RELL1: variants seen among roughly 807,000 people sequenced by gnomAD.
The protein encoded by RELL1 is RELT like 1.
In RELL1, 10 loss-of-function variants were observed where a neutral mutation model predicts 23.0. The ratio of observed to expected loss-of-function variants is 0.43; its 90% CI spans 0.27 to 0.74. The LOEUF is 0.74. Among genes scored for constraint, RELL1 ranks in the 30% least tolerant of loss-of-function variants. The pLI is 0.19. For missense variants in RELL1, 315 were observed against 364.4 expected (o/e 0.86, Z 1.10); for synonymous variants, 146 against 146.8 (o/e 0.99, Z 0.04).
At chr4:37,593,819 G>A (rs1322222704) in intron 6 of RELL1, among the ~76,000 whole-genome samples, 1 of 152,166 alleles carries the variant, frequency 6.6e-6, no homozygotes, top group Non-Finnish European at 1.5e-5. Flanking sequence ...CACCAAAGGG[G>A]CTTCCACCTT....
intron 1 of RELL1, among the ~76,000 whole-genome samples, chr4:37,656,381 A>ACAGGCACAAAATATAAATTT (rs1296485633): frequency 6.6e-6 from 1 of 152,240 alleles, no homozygotes; most frequent in Non-Finnish European, 1.5e-5. Flanking sequence ...TTGATGATCA[A>ACAGGCACAAAATATAAATTT]CAGGCACAAA....
downstream of RELL1, among the ~76,000 whole-genome samples, chr4:37,608,775 T>G (rs1343621716): frequency 6.6e-6 from 1 of 151,632 alleles, no homozygotes; most frequent in East Asian, 1.9e-4. Context: ...AGATTACAGG[T>G]GTGCACCATT....
chr4:37,665,695 G>A (rs543582941), intron 1 of RELL1, among the ~76,000 whole-genome samples: 2 of 152,204 alleles, frequency 1.3e-5, no homozygotes, highest in South Asian at 2.1e-4. Context: ...GAGGAAACAC[G>A]CCATCTCAGC....
At chr4:37,667,256 G>A (rs902818820) in intron 1 of RELL1, among the ~76,000 whole-genome samples, 1 of 151,820 alleles carries the variant, frequency 6.6e-6, no homozygotes. Context: ...ACATATTGAT[G>A]TATAATGTGT....
At chr4:37,593,984 G>T (rs1434288110) in intron 6 of RELL1, among the ~76,000 whole-genome samples, 1 of 152,134 alleles carries the variant, frequency 6.6e-6, no homozygotes, top group South Asian at 2.1e-4. Context: ...ACACACTTTC[G>T]CATTTATATA....
At chr4:37,636,671 C>T (rs191599896) in intron 4 of RELL1, among the ~76,000 whole-genome samples, 1 of 152,010 alleles carries the variant, frequency 6.6e-6, no homozygotes, top group Admixed American at 6.6e-5. Context: ...AGGCTCTGGC[C>T]CAGCAGAAAA....
intron 6 of RELL1, among the ~76,000 whole-genome samples, chr4:37,622,655 A>G (rs746210168): frequency 3.4e-4 from 52 of 152,170 alleles, no homozygotes; most frequent in Non-Finnish European, 6.6e-4. Context: ...AAACAAGGGG[A>G]CTGGGAGGTG....
intron 1 of RELL1, among the ~76,000 whole-genome samples, chr4:37,659,102 A>G (rs1425992248): frequency 6.6e-6 from 1 of 152,226 alleles, no homozygotes; most frequent in African/African-American, 2.4e-5. Flanking sequence ...CCACTGAAAT[A>G]GGCAGAGCTT....
rs68167103 is a variant in RELL1 at position 37,639,521 on chromosome 4, CA to C, written c.386-1018del. 2.2e-3 allele frequency among the ~76,000 whole-genome samples: 325 copies of C among 146,388 alleles called. 2 individuals carry two copies. Among genetic ancestry groups the C allele is most frequent in the African/African-American group, 7.4e-3 (292 of 39,458 alleles). On this transcript the variant is annotated intron_variant, in intron 3 of 6. Transcript: ENST00000454158. ...TGGGAAGCTAGGCTGTCAACAAAAG[CA>C]AAAAAAAAAACCTAATCTAAGATTC...
At chr4:37,674,664 A>G (rs1721960985) in intron 1 of RELL1, among the ~76,000 whole-genome samples, 1 of 152,200 alleles carries the variant, frequency 6.6e-6, no homozygotes, top group Non-Finnish European at 1.5e-5. Flanking sequence ...TAATTCACAT[A>G]ATTGTGTTGG....
chr4:37,686,172 G>A, intron 1 of RELL1, 28 bp downstream of exon 1: 1 of 1,550,410 alleles, frequency 6.4e-7, no homozygotes, highest in Non-Finnish European at 8.7e-7. Flanking sequence ...CTCAGCACCC[G>A]GCGCCCCGGC....
In RELL1 at chr4:37,611,948, G is replaced by A. The variant is rs1376575307; in HGVS notation, c.*1398C>T. Reference sequence around the variant, plus strand: ...CCCAGAACTTTGGGAGGCCGAGGCGGGTGGATCACGAGGTCAGGAGATCGA... The same window carrying A: ...CCCAGAACTTTGGGAGGCCGAGGCGAGTGGATCACGAGGTCAGGAGATCGA... On this transcript the variant is annotated 3_prime_UTR_variant, in exon 7 of 7. Coordinates refer to ENST00000454158, the MANE Select transcript of RELL1 (RefSeq NM_001085400.2). Among the ~76,000 whole-genome samples the A allele has an allele frequency of 6.6e-6, 1 of 151,766 alleles. No individual in the cohort carries two copies. The highest frequency in any genetic ancestry group is 1.5e-5 in the Non-Finnish European group (1 of 67,924).
At chr4:37,639,492 T>C (rs1280259796) in intron 3 of RELL1, among the ~76,000 whole-genome samples, 1 of 150,412 alleles carries the variant, frequency 6.6e-6, no homozygotes, top group African/African-American at 2.4e-5. Context: ...TCCAAATTTG[T>C]AGATGGGAAG....
chr4:37,621,772 G>T (rs1719776141), intron 6 of RELL1, among the ~76,000 whole-genome samples: 1 of 152,160 alleles, frequency 6.6e-6, no homozygotes, highest in South Asian at 2.1e-4. Flanking sequence ...GCAGGCCCCT[G>T]CCCAGGGAGA....
intron 3 of RELL1, among the ~76,000 whole-genome samples, chr4:37,646,839 C>A (rs1428429101): frequency 2.0e-5 from 3 of 152,054 alleles, no homozygotes; most frequent in Non-Finnish European, 4.4e-5. Context: ...GTGATCCTCC[C>A]ACGTCAGCCT....
intron 6 of RELL1, among the ~76,000 whole-genome samples, chr4:37,629,842 C>T (rs1720062135): frequency 6.6e-6 from 1 of 152,150 alleles, no homozygotes; most frequent in African/African-American, 2.4e-5. Context: ...TCAGCCACAC[C>T]GACCAAAAAT....
intron 3 of RELL1, among the ~76,000 whole-genome samples, chr4:37,646,430 G>A (rs570385080): frequency 3.2e-4 from 49 of 152,286 alleles, no homozygotes; most frequent in African/African-American, 1.2e-3. Flanking sequence ...GCTGCCAGTG[G>A]ACGGGGGAGG....
intron 2 of RELL1, among the ~76,000 whole-genome samples, chr4:37,648,772 G>A (rs995083646): frequency 2.0e-5 from 3 of 152,116 alleles, no homozygotes; most frequent in Non-Finnish European, 2.9e-5. Context: ...CCCAGCAAAA[G>A]TAACACCACA....
chr4:37,625,001 T>A (rs1162765080), intron 6 of RELL1, among the ~76,000 whole-genome samples: 2 of 152,204 alleles, frequency 1.3e-5, no homozygotes, highest in Admixed American at 1.3e-4. Flanking sequence ...TACACATATA[T>A]CGTATCATGT....
Sources: gnomAD v4.1 joint callset for allele counts (sites outside exome capture counted in the v4.1 genomes callset) on GRCh38, gnomAD v4.1.1 for gene constraint, MANE v1.5 for transcripts, NCBI Gene and HGNC (gene_info 2026-07-23, HGNC 2026-07-21) for gene names.